Variants in ZHX3 observed in about 807,000 individuals in gnomAD.
The protein encoded by ZHX3 is zinc fingers and homeoboxes 3.
Under a neutral mutation model 64.5 loss-of-function variants are expected in ZHX3, and 20 were observed. That is an observed-to-expected ratio of 0.31 (90% confidence interval 0.22 to 0.45). The LOEUF is 0.45. Ranked by LOEUF, ZHX3 falls within the 20% of genes least tolerant of loss-of-function variation. The pLI, the probability that ZHX3 is intolerant of heterozygous loss-of-function variation, is 1.00. For synonymous variants in ZHX3, 423 were observed against 461.6 expected (o/e 0.92, Z 1.07); for missense variants, 1,041 against 1,195.8 (o/e 0.87, Z 1.91).
Position 41,202,106 on chromosome 20 carries a change from G to T in ZHX3, c.2811C>A (p.Ala937=). Residue 937 remains alanine (A), a synonymous_variant, in exon 3 of 4, where the codon GCC becomes GCA. Coordinates refer to ENST00000683867, the MANE Select transcript of ZHX3 (RefSeq NM_001384317.1). This position sits in a 1 kb window ranked among gnomAD's most constrained non-coding sequence, Gnocchi z 7.0. ...TCGATGTGTCAAAGGGCTCTGAGCT[G>T]GCCTCAGGGACACGGGGCTCCCACG... ...SESWEPRVPE[A]SSEPFDTSSP... is the part of the protein sequence containing the mutation. 1 of 1,613,516 alleles carries T rather than the reference G, an allele frequency of 6.2e-7. No individual in the cohort carries two copies. The highest frequency in any genetic ancestry group is 8.5e-7 in the Non-Finnish European group (1 of 1,179,726).
rs2041765867 is a variant in ZHX3, at chr20:41,247,448, T to C, written c.-151+21542A>G. Among the ~76,000 whole-genome samples, 3 of 152,140 alleles carry C rather than the reference T, an allele frequency of 2.0e-5. No individual in the cohort carries two copies. The South Asian group carries it at 6.2e-4, about 32-fold the overall frequency. ...GAACCTCCCAAACCTCAGTTCTCTTTTGCACAATGGAAATCATCTGAATAT... is the reference window on the plus strand; with the variant it reads ...GAACCTCCCAAACCTCAGTTCTCTTCTGCACAATGGAAATCATCTGAATAT... On this transcript the variant is annotated intron_variant, in intron 2 of 3. Transcript: ENST00000683867.
rs904421452 is a variant in ZHX3 at position 41,232,186 on chromosome 20, C to T, written c.-150-27120G>A. On this transcript the variant is annotated intron_variant, in intron 2 of 3. Coordinates refer to ENST00000683867, the MANE Select transcript of ZHX3 (RefSeq NM_001384317.1). This position sits in a 1 kb window ranked among gnomAD's most constrained non-coding sequence, Gnocchi z 5.0. ...GGCAAGAGAAAAGGCCGAAGGGTGA[C>T]TTAATAACCATCTTCAATCATTGTT... is the stretch of plus-strand genomic sequence containing the variant. 2.0e-5 allele frequency among the ~76,000 whole-genome samples: 3 copies of T among 151,722 alleles called. No individual in the cohort carries two copies. The highest frequency in any genetic ancestry group is 2.0e-4 in the Admixed American group (3 of 15,210).
At chr20:41,265,834 A>G (rs889424037) in intron 2 of ZHX3, among the ~76,000 whole-genome samples, 5 of 152,238 alleles carry the variant, frequency 3.3e-5, no homozygotes, top group Admixed American at 2.0e-4. Flanking sequence ...AAAGACTGCC[A>G]TAAGGAACAA....
chr20:41,210,487 C>T (rs2039074922), intron 2 of ZHX3, among the ~76,000 whole-genome samples: 1 of 152,118 alleles, frequency 6.6e-6, no homozygotes, highest in Admixed American at 6.6e-5. Flanking sequence ...GAAAATGTGG[C>T]ACATATACAC....
chr20:41,263,488 G>A (rs560989497), intron 2 of ZHX3, among the ~76,000 whole-genome samples: 6 of 151,184 alleles, frequency 4.0e-5, no homozygotes, highest in South Asian at 2.1e-4. Context: ...TCTGCCTCCC[G>A]GGTTCAAGCA....
At chr20:41,214,069 T>C (rs186930533) in intron 2 of ZHX3, among the ~76,000 whole-genome samples, 189 of 152,274 alleles carry the variant, frequency 1.2e-3, no homozygotes, top group Non-Finnish European at 2.3e-3. Flanking sequence ...AGCATGACCT[T>C]GTCTCTTAAA....
Position 41,181,643 on chromosome 20 carries a change from C to T in ZHX3, c.*3548G>A, listed in dbSNP as rs1951690326. 1 of 152,260 alleles carries T rather than the reference C, an allele frequency of 6.6e-6. No homozygotes were observed. The highest frequency in any genetic ancestry group is 2.1e-4 in the South Asian group (1 of 4,822). 9.4% of individuals were successfully genotyped at this position (152,260 alleles called of 1,614,324 possible). On this transcript the variant is annotated 3_prime_UTR_variant, in exon 4 of 4. Coordinates refer to ENST00000683867, the MANE Select transcript of ZHX3 (RefSeq NM_001384317.1). ...GAAAGGCAGCCAGGGACAGATGTCC[C>T]AGAGCCAGGAGAGAGAGGGAGAGAA...
rs773819871 is a variant in ZHX3, at chr20:41,180,121, G to A, written c.*5070C>T. 6.5e-6 allele frequency: 1 copy of A among 152,744 alleles called. No homozygotes were observed. Among genetic ancestry groups the A allele is most frequent in the Non-Finnish European group, 1.5e-5 (1 of 68,100 alleles). 9.5% of individuals were successfully genotyped at this position (152,744 alleles called of 1,614,324 possible). A position where few individuals can be genotyped will look rare whatever the true frequency, so the allele number is the denominator to read the frequency against. On this transcript the variant is annotated 3_prime_UTR_variant, in exon 4 of 4. Transcript: ENST00000683867. ...CAGGTAAATGCTCAGGCTCCTCTCA[G>A]TACCCTGGGGCTCACCGCCTATCCA... is the stretch of plus-strand genomic sequence containing the variant.
chr20:41,184,613 G>A lies in ZHX3; in HGVS notation c.*578C>T. ...GCCGGTCATCACTTAATGCAGCAGA[G>A]ATCTCTTCAAAGGTACTGCTTCCTT... is the stretch of plus-strand genomic sequence containing the variant. On this transcript the variant is annotated 3_prime_UTR_variant, in exon 4 of 4. Transcript: ENST00000683867. 1 of 391,202 alleles carries A rather than the reference G, an allele frequency of 2.6e-6. No homozygotes were observed. Among genetic ancestry groups the A allele is most frequent in the Admixed American group, 4.2e-5 (1 of 23,974 alleles). The allele number at this position is 391,202 out of a possible 1,614,324, so 24.2% of individuals were successfully genotyped here.
At chr20:41,247,081 C>A (rs1474830891) in intron 2 of ZHX3, among the ~76,000 whole-genome samples, 5 of 152,014 alleles carry the variant, frequency 3.3e-5, no homozygotes, top group African/African-American at 1.2e-4. Context: ...GACAACATGG[C>A]AAAACCTTGT....
intron 2 of ZHX3, among the ~76,000 whole-genome samples, chr20:41,248,999 T>C (rs1406281912): frequency 1.3e-5 from 2 of 152,244 alleles, no homozygotes; most frequent in Non-Finnish European, 2.9e-5. Flanking sequence ...ATAAATAGTA[T>C]GCAATTTTAA....
chr20:41,297,116 T>C (rs2146785377), intron 1 of ZHX3, among the ~76,000 whole-genome samples: 1 of 152,366 alleles, frequency 6.6e-6, no homozygotes, highest in East Asian at 1.9e-4. Context: ...AAGTTCTGTC[T>C]ATAGAATTCC....
intron 2 of ZHX3, among the ~76,000 whole-genome samples, chr20:41,242,282 TAA>T (rs2041432715): frequency 6.6e-6 from 1 of 152,236 alleles, no homozygotes; most frequent in Non-Finnish European, 1.5e-5. Context: ...CTTGAATGGC[TAA>T]GTCATTTGAC....
In ZHX3 at chr20:41,305,645, G is replaced by A. The variant is rs563865293; in HGVS notation, c.-245+11864C>T. Among the ~76,000 whole-genome samples, 27 of 151,960 alleles carry A rather than the reference G, an allele frequency of 1.8e-4. No individual in the cohort carries two copies. In the East Asian group the frequency reaches 3.5e-3, roughly 20 times the overall value. On this transcript the variant is annotated intron_variant, in intron 1 of 3. Transcript: ENST00000683867. ...TAAAAATACAAAAAATTAGCCAGGC[G>A]TGGTGGCGGGCGCCTGTAGTCCCAG... is the stretch of plus-strand genomic sequence containing the variant.
At chr20:41,285,858 A>G (rs552861176) in intron 1 of ZHX3, among the ~76,000 whole-genome samples, 3 of 152,362 alleles carry the variant, frequency 2.0e-5, no homozygotes, top group Non-Finnish European at 2.9e-5. Context: ...CCTTTCACAC[A>G]GAACTATTAA....
chr20:41,282,017 C>G (rs1038480673), intron 1 of ZHX3, among the ~76,000 whole-genome samples: 1 of 152,068 alleles, frequency 6.6e-6, no homozygotes, highest in East Asian at 1.9e-4. Context: ...ATCGGTAGTC[C>G]TTCTTGTGGA....
At chr20:41,294,287 A>C (rs564660626) in intron 1 of ZHX3, among the ~76,000 whole-genome samples, 6 of 152,352 alleles carry the variant, frequency 3.9e-5, no homozygotes, top group Admixed American at 1.3e-4. Flanking sequence ...ATTAACAGCT[A>C]AATTTTGTAT....
chr20:41,190,344 T>G (rs2036909307), intron 3 of ZHX3, among the ~76,000 whole-genome samples: 1 of 152,086 alleles, frequency 6.6e-6, no homozygotes, highest in Admixed American at 6.5e-5. Flanking sequence ...CTGGCTAATT[T>G]TGTATTTTTA....
chr20:41,315,530 A>G (rs2045265168), intron 1 of ZHX3, among the ~76,000 whole-genome samples: 1 of 151,902 alleles, frequency 6.6e-6, no homozygotes, highest in African/African-American at 2.4e-5. Flanking sequence ...GCTCGAAGTG[A>G]GGATGGTTGT....
Sources: allele counts gnomAD v4.1 joint callset (sites outside exome capture counted in the v4.1 genomes callset), GRCh38; gene constraint gnomAD v4.1.1; non-coding constraint Gnocchi (gnomAD v3.1); transcripts MANE v1.5; gene names NCBI Gene and HGNC (gene_info 2026-07-23, HGNC 2026-07-21).